LRRC49: variants seen among roughly 807,000 people sequenced by gnomAD.
LRRC49 encodes leucine rich repeat containing 49, also known as leucine-rich repeat-containing protein 49.
A neutral mutation model predicts 83.3 loss-of-function variants in LRRC49; 50 were observed. That is an observed-to-expected ratio of 0.60 (90% CI 0.48 to 0.76). LRRC49 has a LOEUF of 0.76. Ranked by LOEUF, LRRC49 falls within the 30% of genes least tolerant of loss-of-function variation. The pLI, the probability that LRRC49 is intolerant of heterozygous loss-of-function variation, is 0.00. For synonymous variants in LRRC49, 286 were observed against 283.3 expected, an observed-to-expected ratio of 1.01 and a Z score of -0.10; for missense variants, 704 against 809.1, an observed-to-expected ratio of 0.87 and a Z score of 1.58.
intron 5 of LRRC49, among the ~76,000 whole-genome samples, chr15:70,905,659 G>T (rs747781621): frequency 2.0e-4 from 30 of 152,290 alleles, no homozygotes; most frequent in Admixed American, 6.5e-4. Flanking sequence ...TTTTTAGGCT[G>T]AGGCTTGATA....
chr15:70,927,034 T>C (rs1596028618), intron 7 of LRRC49, among the ~76,000 whole-genome samples: 1 of 152,082 alleles, frequency 6.6e-6, no homozygotes, highest in East Asian at 1.9e-4. Context: ...CACAATGAGA[T>C]ACCATCTCAC....
At chr15:70,926,208 C>A (rs892913843) in intron 7 of LRRC49, among the ~76,000 whole-genome samples, 39 of 152,246 alleles carry the variant, frequency 2.6e-4, no homozygotes, top group African/African-American at 8.9e-4. Context: ...TTGGCTCTTA[C>A]AAATAAAGCT....
intron 8 of LRRC49, among the ~76,000 whole-genome samples, chr15:70,944,595 G>C (rs1419342130): frequency 3.9e-5 from 6 of 152,066 alleles, no homozygotes; most frequent in Non-Finnish European, 7.4e-5. Flanking sequence ...AGTAGAGTCA[G>C]GGTTTTACCA....
chr15:70,975,566 G>C lies in LRRC49; in HGVS notation c.922-4535G>C, dbSNP rs545055510. 2.0e-5 allele frequency among the ~76,000 whole-genome samples: 3 copies of C among 152,106 alleles called. No individual in the cohort carries two copies. In the South Asian group the frequency reaches 6.2e-4, roughly 32 times the overall value. On this transcript the variant is annotated intron_variant, in intron 9 of 15. Coordinates refer to ENST00000260382, the MANE Select transcript of LRRC49 (RefSeq NM_017691.5). ...AATTTAGCCGAGTGTGGAGGCACAC[G>C]CCTGTAGTACCAGAGACTTGGGGGA...
chr15:70,911,569 T>C lies in LRRC49; in HGVS notation c.538T>C (p.Leu180=). ...KISNLENLKS[L]DVLDLHGNQI... ...CTCAAATCTGGAGAATCTAAAAAGC[T>C]TAGATGTCTTGGATCTTCATGGAAA... Residue 180 remains leucine, a synonymous_variant, in exon 6 of 16, where the codon TTA becomes CTA. Transcript: ENST00000260382. The C allele has an allele frequency of 6.3e-7, 1 of 1,580,030 alleles. No homozygotes were observed. The highest frequency in any genetic ancestry group is 8.6e-7 in the Non-Finnish European group (1 of 1,163,772).
intron 5 of LRRC49, among the ~76,000 whole-genome samples, chr15:70,909,056 A>T (rs1245784230): frequency 6.6e-6 from 1 of 152,234 alleles, no homozygotes; most frequent in Admixed American, 6.5e-5. Context: ...CATACTGCAC[A>T]TGATGGTTTC....
At chr15:70,976,822 A>T (rs190950728) in intron 9 of LRRC49, among the ~76,000 whole-genome samples, 16 of 152,304 alleles carry the variant, frequency 1.1e-4, no homozygotes, top group Non-Finnish European at 2.1e-4. Context: ...ACAGATTTAT[A>T]ACTTATCTTC....
chr15:71,023,379 T>TA lies in LRRC49; in HGVS notation c.1703+10473dup, dbSNP rs1280764966. 2.0e-5 allele frequency among the ~76,000 whole-genome samples: 3 copies of TA among 152,292 alleles called. No individual in the cohort carries two copies. The East Asian group carries it at 5.8e-4, about 29-fold the overall frequency. ...TGTACAGACATTGCTTCTGTAATTT[T>TA]AAAAAAATCAGTAAAGATAATAAAT... is the stretch of plus-strand genomic sequence containing the variant. On this transcript the variant is annotated intron_variant, in intron 14 of 15. Coordinates refer to ENST00000260382, the MANE Select transcript of LRRC49 (RefSeq NM_017691.5).
intron 2 of LRRC49, among the ~76,000 whole-genome samples, chr15:70,877,416 T>C (rs1363112565): frequency 6.6e-6 from 1 of 152,242 alleles, no homozygotes; most frequent in African/African-American, 2.4e-5. Context: ...GATTTTTTTC[T>C]TTTCTAGAAT....
intron 7 of LRRC49, among the ~76,000 whole-genome samples, chr15:70,924,171 T>C (rs1172110485): frequency 6.6e-6 from 1 of 151,940 alleles, no homozygotes; most frequent in African/African-American, 2.4e-5. Context: ...GAAAAGATGC[T>C]GAGTTTTTTT....
At chr15:70,965,259 T>C (rs1475823972) in intron 9 of LRRC49, among the ~76,000 whole-genome samples, 1 of 152,124 alleles carries the variant, frequency 6.6e-6, no homozygotes, top group Non-Finnish European at 1.5e-5. Context: ...TCATAGTGAA[T>C]TTATTTGTCA....
intron 8 of LRRC49, among the ~76,000 whole-genome samples, chr15:70,949,490 G>C (rs1332127064): frequency 1.3e-5 from 2 of 152,082 alleles, no homozygotes; most frequent in African/African-American, 2.4e-5. Flanking sequence ...ATTATAATAA[G>C]TGACCCTGTT....
At chr15:70,948,038 C>T (rs2036072069) in intron 8 of LRRC49, among the ~76,000 whole-genome samples, 1 of 152,086 alleles carries the variant, frequency 6.6e-6, no homozygotes, top group Non-Finnish European at 1.5e-5. Context: ...TGCCTTTGCT[C>T]ACATTAATGT....
rs1224416596 is a variant in LRRC49 at position 70,934,243 on chromosome 15, C to T, written c.712-2518C>T. 8.5e-5 allele frequency among the ~76,000 whole-genome samples: 13 copies of T among 152,170 alleles called. No individual in the cohort carries two copies. The East Asian group carries it at 9.7e-4, about 11-fold the overall frequency. ...ATAATGCATGCATAGATAATTGATA[C>T]GGTAAATACGGTGTTTTCTTTTTGT... On this transcript the variant is annotated intron_variant, in intron 7 of 15. Coordinates refer to ENST00000260382, the MANE Select transcript of LRRC49 (RefSeq NM_017691.5).
At chr15:70,885,547 G>A (rs2033383841) in intron 2 of LRRC49, among the ~76,000 whole-genome samples, 1 of 152,070 alleles carries the variant, frequency 6.6e-6, no homozygotes, top group Admixed American at 6.5e-5. Flanking sequence ...AAACTTTTAA[G>A]GACACAGAAA....
At chr15:70,888,905 C>T (rs1262432655), upstream of LRRC49, among the ~76,000 whole-genome samples, 2 of 152,178 alleles carry the variant, frequency 1.3e-5, no homozygotes, top group Non-Finnish European at 2.9e-5. Context: ...AAAAACATTA[C>T]TACGCACTCT....
intron 11 of LRRC49, among the ~76,000 whole-genome samples, chr15:70,992,763 C>A (rs2037932705): frequency 6.6e-6 from 1 of 152,190 alleles, no homozygotes; most frequent in South Asian, 2.1e-4. Flanking sequence ...CAGAGGGGTA[C>A]CTGGCTGTGT....
chr15:70,909,567 G>A (rs1176718835), intron 5 of LRRC49, among the ~76,000 whole-genome samples: 1 of 152,126 alleles, frequency 6.6e-6, no homozygotes, highest in African/African-American at 2.4e-5. Context: ...TGGGCTGGGC[G>A]CGGTGGCTCA....
chr15:70,900,601 T>G (rs1269080123), intron 3 of LRRC49: 8 of 461,734 alleles, frequency 1.7e-5, no homozygotes, highest in Non-Finnish European at 3.0e-5. Context: ...GAACTATCAT[T>G]TTAGTTATAG....
Sources: allele counts gnomAD v4.1 joint callset (sites outside exome capture counted in the v4.1 genomes callset), GRCh38; gene constraint gnomAD v4.1.1; transcripts MANE v1.5; gene names NCBI Gene and HGNC (gene_info 2026-07-23, HGNC 2026-07-21).